CA10: variants seen among roughly 807,000 people sequenced by gnomAD.
CA10 encodes carbonic anhydrase-related protein 10.
A neutral mutation model predicts 44.2 loss-of-function variants in CA10; 14 were observed. That is an observed-to-expected ratio of 0.32 (90% CI 0.21 to 0.50). The LOEUF (loss-of-function observed/expected upper bound fraction) is 0.50. CA10 is among the 20% of genes least tolerant of loss of function. The pLI, the probability that CA10 is intolerant of heterozygous loss-of-function variation, is 0.99. For synonymous variants in CA10, 159 were observed against 141.6 expected, an observed-to-expected ratio of 1.12 and a Z score of -0.87; for missense variants, 350 against 409.7, an observed-to-expected ratio of 0.85 and a Z score of 1.26.
At chr17:51,896,206 A>T (rs568423776) in intron 3 of CA10, among the ~76,000 whole-genome samples, 51 of 152,114 alleles carry the variant, frequency 3.4e-4, no homozygotes, top group Middle Eastern at 3.4e-3. Flanking sequence ...TAAGCATAGT[A>T]CCCGGCAGGT....
At chr17:51,771,578 A>G (rs1184384411) in intron 3 of CA10, among the ~76,000 whole-genome samples, 1 of 152,194 alleles carries the variant, frequency 6.6e-6, no homozygotes, top group Non-Finnish European at 1.5e-5. Flanking sequence ...GTAGTCATAC[A>G]CTTGGAAATC....
chr17:51,974,602 T>C (rs1474379927), intron 2 of CA10, among the ~76,000 whole-genome samples: 1 of 152,018 alleles, frequency 6.6e-6, no homozygotes, highest in Non-Finnish European at 1.5e-5. Context: ...ATTGAAATGC[T>C]AGAAGGAGAA....
intron 1 of CA10, among the ~76,000 whole-genome samples, chr17:52,103,864 G>C (rs1432614229): frequency 6.6e-6 from 1 of 152,198 alleles, no homozygotes; most frequent in Non-Finnish European, 1.5e-5. Flanking sequence ...ACACTGGCAT[G>C]GGCGCTGCCT....
intron 1 of CA10, among the ~76,000 whole-genome samples, chr17:52,083,338 C>G (rs1231977262): frequency 6.6e-6 from 1 of 152,162 alleles, no homozygotes; most frequent in Non-Finnish European, 1.5e-5. Context: ...ATGGAAAATA[C>G]ATGGCACCCT....
At chr17:51,892,151 T>G (rs912683304) in intron 3 of CA10, among the ~76,000 whole-genome samples, 1 of 152,160 alleles carries the variant, frequency 6.6e-6, no homozygotes, top group African/African-American at 2.4e-5. Flanking sequence ...AAGAGAAAGA[T>G]GAGAACTCAA....
chr17:52,144,543 C>G (rs1306924931), intron 1 of CA10, among the ~76,000 whole-genome samples: 1 of 152,152 alleles, frequency 6.6e-6, no homozygotes, highest in Non-Finnish European at 1.5e-5. Flanking sequence ...ATGGGCAAGA[C>G]CCAGTAAACT....
At chr17:51,942,560 C>T (rs1012649379) in intron 2 of CA10, among the ~76,000 whole-genome samples, 13 of 128,826 alleles carry the variant, frequency 1.0e-4, no homozygotes, top group African/African-American at 2.8e-4. Flanking sequence ...ATATATCTGT[C>T]ATCTCCCAAA....
intron 3 of CA10, among the ~76,000 whole-genome samples, chr17:51,897,141 G>T (rs1981106213): frequency 6.6e-6 from 1 of 151,944 alleles, no homozygotes; most frequent in Admixed American, 6.6e-5. Flanking sequence ...TGAAATTTTT[G>T]CCAGAGCCTA....
At chr17:52,061,012 G>A (rs950283352) in intron 2 of CA10, among the ~76,000 whole-genome samples, 1 of 152,114 alleles carries the variant, frequency 6.6e-6, no homozygotes, top group Non-Finnish European at 1.5e-5. Context: ...TTCATGTGAT[G>A]GGTTAATTGT....
intron 2 of CA10, among the ~76,000 whole-genome samples, chr17:52,000,378 C>G (rs1325507468): frequency 6.6e-6 from 1 of 152,044 alleles, no homozygotes; most frequent in African/African-American, 2.4e-5. Context: ...CAGATAGTGG[C>G]CACACTTGTC....
intron 3 of CA10, among the ~76,000 whole-genome samples, chr17:51,812,100 C>T (rs899239139): frequency 3.3e-5 from 5 of 152,170 alleles, no homozygotes; most frequent in Non-Finnish European, 7.3e-5. Flanking sequence ...GCAATGGCAC[C>T]GCTAAAAGGT....
At chr17:51,749,615 A>T (rs186472546) in intron 3 of CA10, among the ~76,000 whole-genome samples, 1 of 152,252 alleles carries the variant, frequency 6.6e-6, no homozygotes, top group African/African-American at 2.4e-5. Flanking sequence ...TTTGTTATGC[A>T]GCAAAAGGGA....
chr17:51,829,637 G>A (rs567027602), intron 3 of CA10, among the ~76,000 whole-genome samples: 8 of 152,352 alleles, frequency 5.3e-5, no homozygotes, highest in Admixed American at 3.9e-4. Flanking sequence ...TGCCAGGCAT[G>A]TGCTAGATGC....
At position 51,800,630 on chromosome 17, in the gene CA10, A is replaced by G. The variant is rs1000353242; in HGVS notation, c.280-52812T>C. ...GATGCTATAGATTGTAAGAGACACCATTATTTAATATACAACAAGAAAAAC... is the reference window on the plus strand; with the variant it reads ...GATGCTATAGATTGTAAGAGACACCGTTATTTAATATACAACAAGAAAAAC... On this transcript the variant is annotated intron_variant, in intron 3 of 8. Transcript: ENST00000451037. Among the ~76,000 whole-genome samples, 3 of 152,214 alleles carry G rather than the reference A, an allele frequency of 2.0e-5. No homozygotes were observed. In the South Asian group the frequency reaches 6.2e-4, roughly 32 times the overall value.
intron 1 of CA10, among the ~76,000 whole-genome samples, chr17:52,118,188 A>C (rs1319682234): frequency 6.6e-6 from 1 of 152,206 alleles, no homozygotes; most frequent in Non-Finnish European, 1.5e-5. Context: ...GGGTAAAATT[A>C]CTATTAATGT....
At chr17:51,755,819 T>C (rs1482181818) in intron 3 of CA10, among the ~76,000 whole-genome samples, 1 of 152,218 alleles carries the variant, frequency 6.6e-6, no homozygotes, top group Non-Finnish European at 1.5e-5. Flanking sequence ...GTGAGGGGAC[T>C]AGAATTCAAG....
At chr17:51,649,878 G>GGAAA (rs5820866) in intron 5 of CA10, among the ~76,000 whole-genome samples, 1 of 142,732 alleles carries the variant, frequency 7.0e-6, no homozygotes. Flanking sequence ...TAAGGAAATG[G>GGAAA]AAAAAAAAAA....
intron 3 of CA10, among the ~76,000 whole-genome samples, chr17:51,771,660 A>C (rs1200783161): frequency 3.3e-5 from 5 of 151,990 alleles, no homozygotes; most frequent in Non-Finnish European, 5.9e-5. Context: ...ACTTCTTCCT[A>C]AATCTGAGAA....
At chr17:51,994,709 C>T (rs1419310773) in intron 2 of CA10, among the ~76,000 whole-genome samples, 2 of 151,926 alleles carry the variant, frequency 1.3e-5, no homozygotes, top group African/African-American at 4.8e-5. Flanking sequence ...ATAGTAAATA[C>T]TCTTGTCAGC....
Sources: gnomAD v4.1 joint callset for allele counts (sites outside exome capture counted in the v4.1 genomes callset) on GRCh38, gnomAD v4.1.1 for gene constraint, MANE v1.5 for transcripts, NCBI Gene and HGNC (gene_info 2026-07-23, HGNC 2026-07-21) for gene names.